Variants in MAN2B2 observed in about 807,000 individuals in gnomAD.
The protein encoded by MAN2B2 is mannosidase alpha class 2B member 2.
A neutral mutation model predicts 117.1 loss-of-function variants in MAN2B2; 106 were observed. The observed-to-expected ratio is 0.90, with a 90% confidence interval of 0.77 to 1.06. The LOEUF is 1.06. Among genes scored for constraint, MAN2B2 ranks in the 50% least tolerant of loss-of-function variants. The probability of loss-of-function intolerance (pLI) is 0.00; values close to 1 mark genes in which losing one functional copy is unlikely to be tolerated. For synonymous variants in MAN2B2, 544 were observed against 595.1 expected (o/e 0.91, Z 1.25); for missense variants, 1,326 against 1,381.4 (o/e 0.96, Z 0.64).
chr4:6,579,331 C>CCACCACCACCAT (rs1726310552), intron 3 of MAN2B2, among the ~76,000 whole-genome samples: 2 of 84,744 alleles, frequency 2.4e-5, no homozygotes, highest in Non-Finnish European at 4.9e-5. Context: ...ACCACCACCA[C>CCACCACCACCAT]CACCACCACC....
In MAN2B2 at chr4:6,593,175, C is replaced by G. The variant is rs1330592444; in HGVS notation, c.683C>G (p.Ser228Ter). The G allele has an allele frequency of 6.2e-7, 1 of 1,613,700 alleles. No individual in the cohort carries two copies. The highest frequency in any genetic ancestry group is 1.7e-5 in the Admixed American group (1 of 59,978). Residue 228 changes from serine to a stop codon, truncating the protein, a stop_gained and splice_region_variant, in exon 6 of 19, where the codon TCA becomes TGA. Transcript: ENST00000285599. LOFTEE classifies it high-confidence loss of function. ...TPSHIPFSNR[S>*]GFYWNGVAVF... is the part of the protein sequence containing the mutation. ...CCTAACCTTCTGCCCTCGCACAGGTCAGGATTTTACTGGAATGGCGTGGCT... is the reference window on the plus strand; with the variant it reads ...CCTAACCTTCTGCCCTCGCACAGGTGAGGATTTTACTGGAATGGCGTGGCT...
chr4:6,621,387 AG>A lies in MAN2B2; in HGVS notation c.*103del. The A allele has an allele frequency of 4.6e-6, 4 of 863,002 alleles. No homozygotes were observed. The highest frequency in any genetic ancestry group is 7.0e-6 in the Non-Finnish European group (4 of 570,262). 53.5% of individuals were successfully genotyped at this position (863,002 alleles called of 1,614,324 possible). A position where few individuals can be genotyped will look rare whatever the true frequency, so the allele number is the denominator to read the frequency against. Reference sequence around the variant, plus strand: ...GCAGTGCGGAGGGATGGGACTGGGGAGTCAGCTGCTCATCTGCAGGCTAATG... The same window carrying A: ...GCAGTGCGGAGGGATGGGACTGGGGATCAGCTGCTCATCTGCAGGCTAATG... On this transcript the variant is annotated 3_prime_UTR_variant, in exon 19 of 19. Transcript: ENST00000285599.
At chr4:6,579,159 T>C (rs796290025) in intron 3 of MAN2B2, among the ~76,000 whole-genome samples, 118 of 18,022 alleles carry the variant, frequency 6.5e-3, no homozygotes, top group Middle Eastern at 0.038. Flanking sequence ...ACCATCACCA[T>C]CACCACCACC....
intron 9 of MAN2B2, among the ~76,000 whole-genome samples, chr4:6,598,617 A>G (rs1727203395): frequency 1.3e-5 from 2 of 152,234 alleles, no homozygotes; most frequent in African/African-American, 4.8e-5. Context: ...TAAGCTCAAA[A>G]TACCCTTCAT....
chr4:6,596,184 G>A (rs950521923), intron 7 of MAN2B2, among the ~76,000 whole-genome samples: 2 of 144,856 alleles, frequency 1.4e-5, no homozygotes, highest in Non-Finnish European at 2.9e-5. Flanking sequence ...GTGGGTGGGC[G>A]TGGCGTCCAG....
intron 11 of MAN2B2, among the ~76,000 whole-genome samples, chr4:6,606,531 C>T (rs999055872): frequency 1.3e-5 from 2 of 152,242 alleles, no homozygotes; most frequent in Non-Finnish European, 2.9e-5. Flanking sequence ...GGGCAGCCCA[C>T]GGACCCCACA....
rs2301789 is a variant in MAN2B2, at chr4:6,600,528, A to G, written c.1406-95A>G. 0.48 allele frequency: 687,318 copies of G among 1,446,114 alleles called. 165,474 individuals are homozygous for G. Among genetic ancestry groups the G allele is most frequent in the East Asian group, 0.66 (28,889 of 43,622 alleles). The allele number at this position is 1,446,114 out of a possible 1,614,324, so 89.6% of individuals were successfully genotyped here. On this transcript the variant is annotated intron_variant, in intron 9 of 18. Transcript: ENST00000285599. Reference sequence around the variant, plus strand: ...AGTTCTGGAGGGCTGCATCTCACCTACCTCAGTTTCCCTCATACTGAGGTG... The same window carrying G: ...AGTTCTGGAGGGCTGCATCTCACCTGCCTCAGTTTCCCTCATACTGAGGTG...
At chr4:6,608,344 C>G (rs979864931) in intron 11 of MAN2B2, among the ~76,000 whole-genome samples, 4 of 152,230 alleles carry the variant, frequency 2.6e-5, no homozygotes, top group Non-Finnish European at 4.4e-5. Flanking sequence ...TCACCACAAT[C>G]CCACAGAGAA....
chr4:6,609,458 C>A, intron 12 of MAN2B2, 160 bp downstream of exon 12: 1 of 740,932 alleles, frequency 1.3e-6, no homozygotes, highest in Non-Finnish European at 2.2e-6. Flanking sequence ...TGTCTGCATG[C>A]TGGCTGCGTT....
At chr4:6,580,616 C>T (rs1335151442) in intron 3 of MAN2B2, among the ~76,000 whole-genome samples, 2 of 152,220 alleles carry the variant, frequency 1.3e-5, no homozygotes, top group African/African-American at 2.4e-5. Flanking sequence ...AAGCCCCTCC[C>T]GCAGGAAATC....
intron 7 of MAN2B2, 134 bp downstream of exon 7, chr4:6,594,866 G>GGC: frequency 1.1e-6 from 1 of 902,690 alleles, no homozygotes; most frequent in Non-Finnish European, 1.7e-6. Context: ...TTCTGTGTGG[G>GGC]GCGCAGGGGC....
At position 6,610,888 on chromosome 4, in the gene MAN2B2, C is replaced by A. The variant is rs1447601759; in HGVS notation, c.2268C>A (p.Tyr756Ter). The change falls in exon 14 of 19, where the codon TAC (tyrosine) becomes TAA (stop). Residue 756 changes from tyrosine to a stop codon, truncating the protein, a stop_gained. Transcript: ENST00000285599. LOFTEE classifies it high-confidence loss of function. ...GATGTTTCTGTCTGCAGAATTACTA[C>A]CCCATGGTTCAGTCGGCCTTCATGG... is the stretch of plus-strand genomic sequence containing the variant. The part of the protein sequence containing the change: ...YVNNSIARNY[Y>*]PMVQSAFMED... The A allele has an allele frequency of 1.2e-6, 2 of 1,614,036 alleles. No homozygotes were observed. Among genetic ancestry groups the A allele is most frequent in the African/African-American group, 1.3e-5 (1 of 74,928 alleles).
At chr4:6,612,408 AG>A (rs775156930) in intron 15 of MAN2B2, among the ~76,000 whole-genome samples, 17 of 152,196 alleles carry the variant, frequency 1.1e-4, no homozygotes, top group Admixed American at 2.0e-4. Context: ...GATCAGGTCC[AG>A]GGGGTGTCAA....
intron 4 of MAN2B2, among the ~76,000 whole-genome samples, chr4:6,588,713 A>T (rs1726742491): frequency 6.6e-6 from 1 of 152,160 alleles, no homozygotes; most frequent in Non-Finnish European, 1.5e-5. Flanking sequence ...TCTGTAAAAA[A>T]TAAAAAATAA....
intron 15 of MAN2B2, among the ~76,000 whole-genome samples, chr4:6,613,631 AG>A (rs1711688992): frequency 1.5e-5 from 1 of 66,880 alleles, no homozygotes; most frequent in Non-Finnish European, 2.8e-5. Context: ...AGGGGAGGGG[AG>A]GGGAGGGAAA....
chr4:6,622,341 TG>T lies in MAN2B2; in HGVS notation c.*1057del, dbSNP rs1302641255. On this transcript the variant is annotated 3_prime_UTR_variant, in exon 19 of 19. Coordinates refer to ENST00000285599, the MANE Select transcript of MAN2B2 (RefSeq NM_015274.3). ...TTTGGAAGATGATGAAATTGTGGAA[TG>T]ATGGTTGCACAACTTTGTGAATATA... is the stretch of plus-strand genomic sequence containing the variant. 1 of 152,220 alleles carries T rather than the reference TG, an allele frequency of 6.6e-6. No individual in the cohort carries two copies. Among genetic ancestry groups the T allele is most frequent in the Non-Finnish European group, 1.5e-5 (1 of 68,042 alleles). 9.4% of individuals were successfully genotyped at this position (152,220 alleles called of 1,614,324 possible).
At chr4:6,613,073 A>C (rs552195383) in intron 15 of MAN2B2, among the ~76,000 whole-genome samples, 4 of 152,354 alleles carry the variant, frequency 2.6e-5, no homozygotes, top group Admixed American at 2.6e-4. Context: ...TGGACTTTCC[A>C]GTTCCAAGTG....
chr4:6,605,094 CT>C lies in MAN2B2; in HGVS notation c.1581del (p.Ile528PhefsTer2), dbSNP rs1039545706. ...AGAGACCCCATCTGCGTATGACCTG[CT>C]TATTCTGACCACAATCCCAGGCCTC... ...STETPSAYDL[L>X]ILTTIPGLSY... On this transcript the variant is annotated frameshift_variant, in exon 11 of 19. Transcript: ENST00000285599. LOFTEE classifies it high-confidence loss of function. 6.2e-7 allele frequency: 1 copy of C among 1,613,996 alleles called. No homozygotes were observed. The highest frequency in any genetic ancestry group is 1.3e-5 in the African/African-American group (1 of 74,914).
chr4:6,621,404 C>A lies in MAN2B2; in HGVS notation c.*119C>A. 2 of 711,726 alleles carry A rather than the reference C, an allele frequency of 2.8e-6. No individual in the cohort carries two copies. The highest frequency in any genetic ancestry group is 4.2e-5 in the South Asian group (2 of 47,184). 44.1% of individuals were successfully genotyped at this position (711,726 alleles called of 1,614,324 possible). ...GACTGGGGAGTCAGCTGCTCATCTG[C>A]AGGCTAATGGCAGGAAATGGTCATA... On this transcript the variant is annotated 3_prime_UTR_variant, in exon 19 of 19. Coordinates refer to ENST00000285599, the MANE Select transcript of MAN2B2 (RefSeq NM_015274.3).
Sources: allele counts gnomAD v4.1 joint callset (sites outside exome capture counted in the v4.1 genomes callset), GRCh38; gene constraint gnomAD v4.1.1; transcripts MANE v1.5; gene names NCBI Gene and HGNC (gene_info 2026-07-23, HGNC 2026-07-21).